PGLYRP1: variants seen among roughly 807,000 people sequenced by gnomAD.
The protein encoded by PGLYRP1 is peptidoglycan recognition protein 1.
PGLYRP1 carries 18 observed loss-of-function variants against 16.3 expected under a neutral mutation model. The ratio of observed to expected loss-of-function variants is 1.11; its 90% CI spans 0.77 to 1.64. The LOEUF (loss-of-function observed/expected upper bound fraction) is 1.64, where lower values mean the gene tolerates loss of function less well. PGLYRP1 is among the 40% of genes most tolerant of loss of function. The probability of loss-of-function intolerance (pLI) is 0.00; values close to 1 mark genes in which losing one functional copy is unlikely to be tolerated. For synonymous variants in PGLYRP1, 89 were observed against 105.7 expected, an observed-to-expected ratio of 0.84 and a Z score of 0.97; for missense variants, 261 against 268.6, an observed-to-expected ratio of 0.97 and a Z score of 0.20.
rs969903454 is a variant in PGLYRP1 at position 46,022,723 on chromosome 19, T to C, written c.287+12A>G. 1.9e-6 allele frequency: 3 copies of C among 1,613,794 alleles called. No homozygotes were observed. The highest frequency in any genetic ancestry group is 2.5e-6 in the Non-Finnish European group (3 of 1,179,818). On this transcript the variant is annotated intron_variant, in intron 1 of 2. Transcript: ENST00000008938. ...ATCCCCAGTCCAGCCCGTGCCCCCC[T>C]GCCACACTCACTTGTAGCCCACGTC...
At chr19:46,021,703 CT>C (rs1225928796) in intron 1 of PGLYRP1, among the ~76,000 whole-genome samples, 1 of 152,198 alleles carries the variant, frequency 6.6e-6, no homozygotes, top group African/African-American at 2.4e-5. Context: ...CTGGTCCCTG[CT>C]CTGCGGGGGG....
At chr19:46,022,505 G>A (rs1251256898) in intron 1 of PGLYRP1, among the ~76,000 whole-genome samples, 3 of 152,254 alleles carry the variant, frequency 2.0e-5, no homozygotes, top group African/African-American at 7.2e-5. Flanking sequence ...CGGGAGCGGG[G>A]CTTGGATTTC....
In PGLYRP1 at chr19:46,019,892, C is replaced by CT. The variant is rs1969025545; in HGVS notation, c.288-246dup. 2.0e-5 allele frequency among the ~76,000 whole-genome samples: 3 copies of CT among 152,202 alleles called. No individual in the cohort carries two copies. The highest frequency in any genetic ancestry group is 7.2e-5 in the African/African-American group (3 of 41,442). On this transcript the variant is annotated intron_variant, in intron 1 of 2. Transcript: ENST00000008938. This position sits in a 1 kb window ranked among gnomAD's most constrained non-coding sequence, Gnocchi z 4.8. ...ATCCTCACAGCAACCCTGTGAGTCA[C>CT]TATCACCCCCGTTTTATATAGACAG...
At chr19:46,021,549 G>A (rs961968841) in intron 1 of PGLYRP1, among the ~76,000 whole-genome samples, 1 of 152,144 alleles carries the variant, frequency 6.6e-6, no homozygotes, top group Non-Finnish European at 1.5e-5. Flanking sequence ...TGTGGAAACC[G>A]TCAGGCTGGA....
At chr19:46,020,603 C>T in intron 1 of PGLYRP1, among the ~76,000 whole-genome samples, 1 of 152,094 alleles carries the variant, frequency 6.6e-6, no homozygotes, top group East Asian at 1.9e-4. Context: ...AGATACCGAC[C>T]CTGGAGCCCC....
rs2146496045 is a variant in PGLYRP1, at chr19:46,019,686, G to A, written c.288-39C>T. On this transcript the variant is annotated intron_variant, in intron 1 of 2. Transcript: ENST00000008938. This position sits in a 1 kb window ranked among gnomAD's most constrained non-coding sequence, Gnocchi z 4.8. ...TGGGGGGGCTTGATGAGTGAGGGAG[G>A]GTTTCCCGAGGAGGACTCCTCCTCC... 6.3e-7 allele frequency: 1 copy of A among 1,592,836 alleles called. No homozygotes were observed. Among genetic ancestry groups the A allele is most frequent in the South Asian group, 1.1e-5 (1 of 89,548 alleles).
chr19:46,019,420 C>A lies in PGLYRP1; in HGVS notation c.410-1G>T. On this transcript the variant is annotated splice_acceptor_variant, in intron 2 of 2. Coordinates refer to ENST00000008938, the MANE Select transcript of PGLYRP1 (RefSeq NM_005091.3). LOFTEE classifies it high-confidence loss of function. The surrounding 1 kb of genome is among the most constrained non-coding windows in gnomAD (Gnocchi z 4.8). ...ATGGCCTGGGGTGTGGGCACCCGATCTGGAGGAGGCAGAGGTAGGAGTCAG... is the reference window on the plus strand; with the variant it reads ...ATGGCCTGGGGTGTGGGCACCCGATATGGAGGAGGCAGAGGTAGGAGTCAG... 1 of 1,613,102 alleles carries A rather than the reference C, an allele frequency of 6.2e-7. No homozygotes were observed. The highest frequency in any genetic ancestry group is 8.5e-7 in the Non-Finnish European group (1 of 1,179,706).
Position 46,019,674 on chromosome 19 carries a change from T to C in PGLYRP1, c.288-27A>G, listed in dbSNP as rs1969023015. 3.1e-6 allele frequency: 5 copies of C among 1,606,548 alleles called. No individual in the cohort carries two copies. Among genetic ancestry groups the C allele is most frequent in the East Asian group, 2.2e-5 (1 of 44,830 alleles). On this transcript the variant is annotated intron_variant, in intron 1 of 2. Coordinates refer to ENST00000008938, the MANE Select transcript of PGLYRP1 (RefSeq NM_005091.3). This position sits in a 1 kb window ranked among gnomAD's most constrained non-coding sequence, Gnocchi z 4.8. ...TGCATGGGGAGGTGGGGGGGCTTGATGAGTGAGGGAGGGTTTCCCGAGGAG... is the reference window on the plus strand; with the variant it reads ...TGCATGGGGAGGTGGGGGGGCTTGACGAGTGAGGGAGGGTTTCCCGAGGAG...
At chr19:46,022,629 C>T (rs904019758) in intron 1 of PGLYRP1, 106 bp downstream of exon 1, 2 of 1,294,226 alleles carry the variant, frequency 1.5e-6, no homozygotes, top group Admixed American at 1.9e-5. Flanking sequence ...AGGGTGTCAG[C>T]CAGGTGGCCT....
Position 46,019,612 on chromosome 19 carries a change from C to A in PGLYRP1, c.323G>T (p.Gly108Val), listed in dbSNP as rs780176964. ...LIGEDGLVYE[G>V]RGWNFTGAHS... ...GGCACCCGTGAAGTTCCAGCCACGG[C>A]CCTCGTATACGAGCCCGTCTTCTCC... The change falls in exon 2 of 3, where the codon GGC (glycine) becomes GTC (valine). Residue 108 changes from glycine to valine, a missense_variant. Gly to Val is a moderately radical substitution (Grantham distance 109). Transcript: ENST00000008938. This position sits in a 1 kb window ranked among gnomAD's most constrained non-coding sequence, Gnocchi z 4.8. The A allele has an allele frequency of 1.2e-6, 2 of 1,613,788 alleles. No homozygotes were observed. The highest frequency in any genetic ancestry group is 1.7e-5 in the Admixed American group (1 of 59,986).
In PGLYRP1 at chr19:46,019,774, C is replaced by A; in HGVS notation, c.288-127G>T. ...CACACAACTTCCCCAGCATCCTTCT[C>A]ACCCGTTAATTTCCCACGATAGTAA... On this transcript the variant is annotated intron_variant, in intron 1 of 2. Transcript: ENST00000008938. This position sits in a 1 kb window ranked among gnomAD's most constrained non-coding sequence, Gnocchi z 4.8. 1.0e-6 allele frequency: 1 copy of A among 983,884 alleles called. No homozygotes were observed. The highest frequency in any genetic ancestry group is 1.7e-5 in the South Asian group (1 of 60,600). 60.9% of individuals were successfully genotyped at this position (983,884 alleles called of 1,614,324 possible). A position where few individuals can be genotyped will look rare whatever the true frequency, so the allele number is the denominator to read the frequency against.
chr19:46,021,657 A>G (rs61513108), intron 1 of PGLYRP1, among the ~76,000 whole-genome samples: 3,028 of 152,224 alleles, frequency 0.02, 107 homozygotes, highest in African/African-American at 0.068. Context: ...TTCTCCCCAC[A>G]GCAGCCAGAG....
Position 46,022,777 on chromosome 19 carries a change from T to C in PGLYRP1, c.245A>G (p.His82Arg). 2.5e-6 allele frequency: 4 copies of C among 1,614,214 alleles called. No individual in the cohort carries two copies. The highest frequency in any genetic ancestry group is 3.4e-6 in the Non-Finnish European group (4 of 1,180,036). The change falls in exon 1 of 3, where the codon CAC becomes CGC. Residue 82 changes from histidine (H) to arginine (R), a missense_variant. Transcript: ENST00000008938. ...SCQQQARNVQ[H>R]YHMKTLGWCD... ...CCAGCCCAGTGTCTTCATGTGGTAG[T>C]GCTGCACATTCCGGGCCTGCTGCTG...
rs781761183 is a variant in PGLYRP1 at position 46,022,920 on chromosome 19, C to T, written c.102G>A (p.Val34=). The T allele has an allele frequency of 2.0e-5, 32 of 1,611,534 alleles. 1 individual carries two copies. Among genetic ancestry groups the T allele is most frequent in the Non-Finnish European group, 1.7e-6 (2 of 1,178,994 alleles). Residue 34 remains valine, a synonymous_variant, in exon 1 of 3, where the codon GTG becomes GTA. Transcript: ENST00000008938. ...CCAGGGCCTTCCACTCGTTCCGGGG[C>T]ACTATGGGGCTGCAGCAGGCCGGGT... ...TEDPACCSPI[V]PRNEWKALAS... is the part of the protein sequence containing the mutation.
chr19:46,022,590 A>G (rs1009615962), intron 1 of PGLYRP1, 145 bp downstream of exon 1: 12 of 860,470 alleles, frequency 1.4e-5, no homozygotes, highest in Admixed American at 2.6e-5. Context: ...CGAGGAAGAA[A>G]TGACCTTGTG....
chr19:46,022,606 C>T (rs1568702007), intron 1 of PGLYRP1, 129 bp downstream of exon 1: 1 of 1,018,794 alleles, frequency 9.8e-7, no homozygotes, highest in Admixed American at 2.2e-5. Context: ...TTGTGAGGTT[C>T]AGTAAGCTGC....
rs1969062691 is a variant in PGLYRP1 at position 46,022,963 on chromosome 19, G to T, written c.59C>A (p.Ala20Glu). Residue 20 changes from alanine (A) to glutamate (E), a missense_variant, in exon 1 of 3, where the codon GCG becomes GAG. Physicochemically the swap from Ala to Glu is moderately radical, Grantham distance 107 (BLOSUM62 -1). Transcript: ENST00000008938. ...GGCCGGGTCTTCTGTCTCCTGAGCC[G>T]CTCCGAGTCGAAGGAGGCTGGGGAG... ...WALPSLLRLG[A>E]AQETEDPACC... 6 of 1,603,850 alleles carry T rather than the reference G, an allele frequency of 3.7e-6. No homozygotes were observed. Among genetic ancestry groups the T allele is most frequent in the South Asian group, 1.1e-5 (1 of 89,660 alleles).
chr19:46,019,240 A>AG lies in PGLYRP1; in HGVS notation c.588dup (p.Ter197LeufsTer5), dbSNP rs749194102. 60 of 1,613,392 alleles carry AG rather than the reference A, an allele frequency of 3.7e-5. No homozygotes were observed. The highest frequency in any genetic ancestry group is 4.9e-5 in the Non-Finnish European group (58 of 1,179,678). On this transcript the variant is annotated frameshift_variant, in exon 3 of 3. Transcript: ENST00000008938. LOFTEE classifies it high-confidence loss of function. The surrounding 1 kb of genome is among the most constrained non-coding windows in gnomAD (Gnocchi z 4.8). ...ATGGGGTGCGGATCAGCAGGGCCTCAGGGGGAGCGGTAGTGTGGCCAATTC... is the reference window on the plus strand; with the variant it reads ...ATGGGGTGCGGATCAGCAGGGCCTCAGGGGGGAGCGGTAGTGTGGCCAATTC...
intron 1 of PGLYRP1, among the ~76,000 whole-genome samples, chr19:46,021,523 T>C (rs1011079326): frequency 6.6e-6 from 1 of 152,252 alleles, no homozygotes; most frequent in South Asian, 2.1e-4. Context: ...GCCTGCAGGA[T>C]TGAAAGTTCC....
Sources: gnomAD v4.1 joint callset for allele counts (sites outside exome capture counted in the v4.1 genomes callset) on GRCh38, gnomAD v4.1.1 for gene constraint, Gnocchi (gnomAD v3.1) non-coding constraint, MANE v1.5 for transcripts, NCBI Gene and HGNC (gene_info 2026-07-23, HGNC 2026-07-21) for gene names.